KAZN: variants seen among roughly 807,000 people sequenced by gnomAD.
KAZN encodes the protein kazrin, periplakin interacting protein.
A neutral mutation model predicts 87.4 loss-of-function variants in KAZN; 40 were observed. The observed-to-expected ratio is 0.46, with a 90% CI of 0.36 to 0.60. The LOEUF is 0.60. KAZN is among the 20% of genes least tolerant of loss of function. KAZN has a pLI of 0.00. For synonymous variants in KAZN, 466 were observed against 458.3 expected, an observed-to-expected ratio of 1.02 and a Z score of -0.22; for missense variants, 898 against 1,073.9, an observed-to-expected ratio of 0.84 and a Z score of 2.29.
chr1:14,418,772 C>CT (rs1379976458), intron 2 of KAZN, among the ~76,000 whole-genome samples: 2 of 152,200 alleles, frequency 1.3e-5, no homozygotes, highest in East Asian at 3.9e-4. Context: ...AAGCCAGACC[C>CT]TTCTCCCACT....
intron 1 of KAZN, among the ~76,000 whole-genome samples, chr1:14,026,891 G>A (rs76537608): frequency 0.011 from 1,638 of 152,206 alleles, 81 homozygotes; most frequent in Admixed American, 0.086. Context: ...GGATCATGGA[G>A]GAACAGCCAG....
chr1:14,455,439 G>T (rs866450049), intron 2 of KAZN, among the ~76,000 whole-genome samples: 1 of 152,098 alleles, frequency 6.6e-6, no homozygotes, highest in Non-Finnish European at 1.5e-5. Context: ...GGATCACTGC[G>T]GGCCATCTTG....
intron 1 of KAZN, among the ~76,000 whole-genome samples, chr1:13,895,610 T>C (rs1639010355): frequency 6.6e-6 from 1 of 152,176 alleles, no homozygotes; most frequent in Non-Finnish European, 1.5e-5. Flanking sequence ...GCGAAAGGGA[T>C]GGAGACCAAC....
At chr1:14,883,341 A>AGAGAGAGAGAGAGAGAGAGAGAAAG (rs1553150560) in intron 1 of KAZN, among the ~76,000 whole-genome samples, 1 of 29,510 alleles carries the variant, frequency 3.4e-5, no homozygotes, top group African/African-American at 9.0e-5. Flanking sequence ...AGAGAGAGAG[A>AGAGAGAGAGAGAGAGAGAGAGAAAG]GAAAGAAAGA....
At chr1:15,105,566 T>G (rs981403442) in intron 13 of KAZN, among the ~76,000 whole-genome samples, 1 of 152,168 alleles carries the variant, frequency 6.6e-6, no homozygotes, top group African/African-American at 2.4e-5. Flanking sequence ...GTTTTGTTTT[T>G]TTTTTTAATC....
intron 1 of KAZN, among the ~76,000 whole-genome samples, chr1:14,915,123 G>T (rs960540580): frequency 2.0e-5 from 3 of 152,154 alleles, no homozygotes; most frequent in African/African-American, 7.2e-5. Flanking sequence ...GGAGGCGGAG[G>T]TTGCGGTGAG....
At chr1:14,507,465 G>C (rs1670643904) in intron 2 of KAZN, among the ~76,000 whole-genome samples, 1 of 152,154 alleles carries the variant, frequency 6.6e-6, no homozygotes, top group African/African-American at 2.4e-5. Flanking sequence ...GTTGCCAAGC[G>C]ATGGCTAGAA....
At chr1:14,205,897 A>AAAAAAAAAAAAAAAAAAC (rs1557559767) in intron 2 of KAZN, among the ~76,000 whole-genome samples, 1 of 61,418 alleles carries the variant, frequency 1.6e-5, no homozygotes. Flanking sequence ...AAAAAAAAAA[A>AAAAAAAAAAAAAAAAAAC]AAAAAAAAAG....
chr1:13,932,258 ATTTTT>A (rs1553175095), intron 1 of KAZN, among the ~76,000 whole-genome samples: 1 of 43,124 alleles, frequency 2.3e-5, no homozygotes, highest in African/African-American at 8.1e-5. Flanking sequence ...CTTATTAAAC[ATTTTT>A]TTTTTTTTTT....
chr1:14,185,155 G>A (rs577087389), intron 2 of KAZN, among the ~76,000 whole-genome samples: 3 of 152,218 alleles, frequency 2.0e-5, no homozygotes, highest in South Asian at 2.1e-4. Context: ...GGATGGTACC[G>A]CACATGTGGG....
chr1:14,933,194 C>A (rs375578598), intron 1 of KAZN, among the ~76,000 whole-genome samples: 1 of 152,158 alleles, frequency 6.6e-6, no homozygotes, highest in Non-Finnish European at 1.5e-5. Flanking sequence ...TGGGTTCAAG[C>A]GATTCTCCTG....
At chr1:14,539,045 A>G (rs893449401) in intron 2 of KAZN, among the ~76,000 whole-genome samples, 1 of 152,232 alleles carries the variant, frequency 6.6e-6, no homozygotes, top group African/African-American at 2.4e-5. Context: ...GAAGGACTAT[A>G]CCAGTGCATA....
chr1:14,824,449 A>G (rs967008300), intron 1 of KAZN, among the ~76,000 whole-genome samples: 1 of 152,186 alleles, frequency 6.6e-6, no homozygotes, highest in Non-Finnish European at 1.5e-5. Context: ...CCTGAAGTTA[A>G]AGGAATGGAG....
chr1:14,200,847 C>CTT (rs542853245), intron 2 of KAZN, among the ~76,000 whole-genome samples: 1 of 145,866 alleles, frequency 6.9e-6, no homozygotes, highest in African/African-American at 2.5e-5. Flanking sequence ...GTCTTGGTTA[C>CTT]TTTTTTTTTT....
intron 2 of KAZN, among the ~76,000 whole-genome samples, chr1:14,427,082 C>G (rs1665773313): frequency 6.6e-6 from 1 of 152,148 alleles, no homozygotes; most frequent in African/African-American, 2.4e-5. Flanking sequence ...TGTTTACTTT[C>G]CAGAGGGCTG....
At chr1:14,083,257 T>C (rs1181463886) in intron 1 of KAZN, among the ~76,000 whole-genome samples, 2 of 152,218 alleles carry the variant, frequency 1.3e-5, no homozygotes, top group East Asian at 3.8e-4. Context: ...AGGTTATCAA[T>C]TTGGCATAAC....
At chr1:14,278,071 G>A (rs1388142576) in intron 2 of KAZN, among the ~76,000 whole-genome samples, 1 of 150,262 alleles carries the variant, frequency 6.7e-6, no homozygotes, top group African/African-American at 2.4e-5. Flanking sequence ...TCAGGAGGCT[G>A]AGGCAGGAGA....
chr1:15,099,564 A>G lies in KAZN; in HGVS notation c.1548-1979A>G, dbSNP rs1557797956. On this transcript the variant is annotated intron_variant, in intron 10 of 14. Transcript: ENST00000376030. This position sits in a 1 kb window ranked among gnomAD's most constrained non-coding sequence, Gnocchi z 5.4. ...GAGGGGAATGGGGGGTGAAGAGCTC[A>G]GTGCCTCCAGGAAACGGCCCCCAGG... 6.6e-6 allele frequency among the ~76,000 whole-genome samples: 1 copy of G among 152,110 alleles called. No individual in the cohort carries two copies. The highest frequency in any genetic ancestry group is 1.5e-5 in the Non-Finnish European group (1 of 68,010).
intron 2 of KAZN, among the ~76,000 whole-genome samples, chr1:14,212,946 A>T (rs547653386): frequency 6.6e-6 from 1 of 152,238 alleles, no homozygotes; most frequent in Non-Finnish European, 1.5e-5. Flanking sequence ...TGGGATTCTT[A>T]TAGGATTTCT....
Sources: allele counts gnomAD v4.1 joint callset (sites outside exome capture counted in the v4.1 genomes callset), GRCh38; gene constraint gnomAD v4.1.1; non-coding constraint Gnocchi (gnomAD v3.1); transcripts MANE v1.5; gene names NCBI Gene and HGNC (gene_info 2026-07-23, HGNC 2026-07-21).